Variants in STPG2 observed in about 807,000 individuals in gnomAD.
The protein encoded by STPG2 is sperm tail PG-rich repeat containing 2.
STPG2 carries 56 observed loss-of-function variants against 54.2 expected under a neutral mutation model. The ratio of observed to expected loss-of-function variants is 1.03; its 90% CI spans 0.83 to 1.29. The LOEUF is 1.29. Ranked by LOEUF, STPG2 falls within the 50% of genes most tolerant of loss-of-function variation. STPG2 has a pLI of 0.00. For missense variants in STPG2, 596 were observed against 544.9 expected (o/e 1.09, Z -0.93); for synonymous variants, 200 against 181.8 (o/e 1.10, Z -0.81).
chr4:97,975,037 G>A (rs1290320578), intron 6 of STPG2, among the ~76,000 whole-genome samples: 1 of 152,222 alleles, frequency 6.6e-6, no homozygotes, highest in East Asian at 1.9e-4. Context: ...AAAAAAGGCA[G>A]ACTCAAAAGC....
chr4:97,797,392 C>T (rs1217406399), intron 9 of STPG2, among the ~76,000 whole-genome samples: 3 of 152,126 alleles, frequency 2.0e-5, no homozygotes, highest in Admixed American at 6.6e-5. Context: ...GAGTTTTTAG[C>T]ATGAAGGGCT....
chr4:97,610,005 A>G (rs1733694002), intron 10 of STPG2, among the ~76,000 whole-genome samples: 1 of 151,992 alleles, frequency 6.6e-6, no homozygotes, highest in Admixed American at 6.6e-5. Flanking sequence ...TAATAGGACC[A>G]TTTACAGTTC....
At chr4:97,806,632 G>A (rs1040880706) in intron 9 of STPG2, among the ~76,000 whole-genome samples, 26 of 152,050 alleles carry the variant, frequency 1.7e-4, no homozygotes, top group African/African-American at 3.4e-4. Flanking sequence ...GAACTAGGTC[G>A]TGAGTGCATT....
chr4:97,984,780 C>G lies in STPG2; in HGVS notation c.613-3462G>C, dbSNP rs111641218. On this transcript the variant is annotated intron_variant, in intron 5 of 10. Coordinates refer to ENST00000295268, the MANE Select transcript of STPG2 (RefSeq NM_174952.3). ...TGCGCTACTTGGGACAGAAAAGTCT[C>G]AATTTGCAACATTTGCTGATTACCC... 5.2e-3 allele frequency among the ~76,000 whole-genome samples: 786 copies of G among 151,872 alleles called. 3 individuals carry two copies. Among genetic ancestry groups the G allele is most frequent in the Middle Eastern group, 0.02 (6 of 294 alleles).
At chr4:97,729,063 T>TTCTCTCTCTCTCTCTCTCTCTCTC (rs57186071) in intron 9 of STPG2, among the ~76,000 whole-genome samples, 2,687 of 124,706 alleles carry the variant, frequency 0.022, 169 homozygotes, top group Non-Finnish European at 0.034. Context: ...CCCCAAGAAT[T>TTCTCTCTCTCTCTCTCTCTCTCTC]TCTCTCTCTC....
intron 10 of STPG2, among the ~76,000 whole-genome samples, chr4:97,562,770 C>T (rs1044359592): frequency 6.6e-6 from 1 of 151,954 alleles, no homozygotes; most frequent in Non-Finnish European, 1.5e-5. Context: ...ATTGAACCAG[C>T]CTTGCATCCC....
chr4:97,741,441 A>G lies in STPG2; in HGVS notation c.1205-28627T>C, dbSNP rs527772026. 3.5e-3 allele frequency among the ~76,000 whole-genome samples: 528 copies of G among 152,130 alleles called. 3 individuals are homozygous for G. Among genetic ancestry groups the G allele is most frequent in the African/African-American group, 0.012 (518 of 41,526 alleles). On this transcript the variant is annotated intron_variant, in intron 9 of 10. Coordinates refer to ENST00000295268, the MANE Select transcript of STPG2 (RefSeq NM_174952.3). The stretch of plus-strand genomic sequence containing the variant: ...GTGAACAGGCAACCTACAAAATGGG[A>G]GAAAATTTTTGCAACCTACTCATCT...
At chr4:97,473,551 C>T (rs1003789807) in intron 4 of STPG2, among the ~76,000 whole-genome samples, 4 of 152,140 alleles carry the variant, frequency 2.6e-5, no homozygotes, top group African/African-American at 7.2e-5. Context: ...AATGACAATG[C>T]GTGCCCGAAA....
chr4:97,986,805 C>T (rs1163410715), intron 5 of STPG2, among the ~76,000 whole-genome samples: 1 of 152,030 alleles, frequency 6.6e-6, no homozygotes, highest in African/African-American at 2.4e-5. Flanking sequence ...TTCTTATAAC[C>T]TTTAAACATC....
chr4:97,531,722 G>A (rs1731418370), intron 4 of STPG2, among the ~76,000 whole-genome samples: 2 of 152,178 alleles, frequency 1.3e-5, no homozygotes, highest in South Asian at 4.1e-4. Flanking sequence ...GAAGGGTAAT[G>A]GGGGGATTGG....
intron 5 of STPG2, among the ~76,000 whole-genome samples, chr4:97,982,851 G>A (rs1356320920): frequency 6.6e-6 from 1 of 152,176 alleles, no homozygotes; most frequent in Non-Finnish European, 1.5e-5. Context: ...GGTGGGTGAT[G>A]TGTGGCTTTC....
chr4:98,063,048 C>A (rs1392361780), intron 5 of STPG2, among the ~76,000 whole-genome samples: 1 of 152,098 alleles, frequency 6.6e-6, no homozygotes, highest in African/African-American at 2.4e-5. Context: ...GCACACCAGG[C>A]TTCATCTTCT....
At chr4:97,776,116 T>C (rs1726366404) in intron 9 of STPG2, among the ~76,000 whole-genome samples, 1 of 152,204 alleles carries the variant, frequency 6.6e-6, no homozygotes, top group South Asian at 2.1e-4. Context: ...AATTTTTGAA[T>C]GCTGTTTGTA....
At chr4:97,860,472 AT>A (rs1440827129) in intron 8 of STPG2, among the ~76,000 whole-genome samples, 1 of 26,436 alleles carries the variant, frequency 3.8e-5, no homozygotes, top group East Asian at 2.7e-3. Flanking sequence ...CCTAAGTTTT[AT>A]TTTATTTTAT....
At chr4:97,736,967 G>C (rs1354329553) in intron 9 of STPG2, among the ~76,000 whole-genome samples, 1 of 152,136 alleles carries the variant, frequency 6.6e-6, no homozygotes, top group African/African-American at 2.4e-5. Flanking sequence ...CCCCCAGTAG[G>C]GGCAGACTGA....
At chr4:98,120,753 G>A (rs1342013301) in intron 3 of STPG2, among the ~76,000 whole-genome samples, 4 of 151,920 alleles carry the variant, frequency 2.6e-5, no homozygotes, top group African/African-American at 9.7e-5. Flanking sequence ...TTTTTACTGG[G>A]GTTGTTTTTT....
intron 10 of STPG2, among the ~76,000 whole-genome samples, chr4:97,571,313 A>G (rs1445461335): frequency 6.6e-6 from 1 of 152,058 alleles, no homozygotes; most frequent in African/African-American, 2.4e-5. Flanking sequence ...AGGCTCCCCA[A>G]CCATCTGAAT....
chr4:97,725,505 C>T (rs150168538), intron 9 of STPG2, among the ~76,000 whole-genome samples: 39 of 151,816 alleles, frequency 2.6e-4, no homozygotes, highest in African/African-American at 8.9e-4. Context: ...AATAATATTG[C>T]ATCTATAAAA....
At chr4:97,800,598 G>A (rs545307346) in intron 9 of STPG2, among the ~76,000 whole-genome samples, 3 of 152,332 alleles carry the variant, frequency 2.0e-5, no homozygotes, top group Admixed American at 1.3e-4. Flanking sequence ...CCCTAATGGG[G>A]GGTGCCTCCC....
Sources: gnomAD v4.1 joint callset for allele counts (sites outside exome capture counted in the v4.1 genomes callset) on GRCh38, gnomAD v4.1.1 for gene constraint, MANE v1.5 for transcripts, NCBI Gene and HGNC (gene_info 2026-07-23, HGNC 2026-07-21) for gene names.